ZC3H12B: variants seen among roughly 807,000 people sequenced by gnomAD.
The protein encoded by ZC3H12B is zinc finger CCCH-type containing 12B.
In ZC3H12B, 7 loss-of-function variants were observed where a neutral mutation model predicts 43.9. The observed-to-expected ratio is 0.16, with a 90% CI of 0.09 to 0.30. The LOEUF is 0.30. Among genes scored for constraint, ZC3H12B ranks in the 10% least tolerant of loss-of-function variants. The pLI is 1.00. For synonymous variants in ZC3H12B, 222 were observed against 241.7 expected, an observed-to-expected ratio of 0.92 and a Z score of 0.76; for missense variants, 475 against 670.2, an observed-to-expected ratio of 0.71 and a Z score of 3.22.
the ZC3H12B span, among the ~76,000 whole-genome samples, chrX:65,261,198 G>T: frequency 9.0e-6 from 1 of 111,553 alleles, no homozygotes; most frequent in South Asian, 3.7e-4. Flanking sequence ...AATAAAAAAT[G>T]TATAGTAACA....
chrX:65,121,198 T>C, the ZC3H12B span, among the ~76,000 whole-genome samples: 2 of 111,816 alleles, frequency 1.8e-5, no homozygotes, highest in South Asian at 3.7e-4. Flanking sequence ...TCTTTTTCCA[T>C]TGATTGGAAT....
chrX:65,126,917 G>T, the ZC3H12B span, among the ~76,000 whole-genome samples: 418 of 109,494 alleles, frequency 3.8e-3, 3 homozygotes, highest in Non-Finnish European at 6.1e-3. Flanking sequence ...TTTGTGTAAT[G>T]CTTTTATTTA....
chrX:65,161,209 G>T, the ZC3H12B span, among the ~76,000 whole-genome samples: 1 of 111,114 alleles, frequency 9.0e-6, no homozygotes, highest in Admixed American at 9.6e-5. Flanking sequence ...AATAGGTATG[G>T]TGTGATGCTG....
At chrX:65,287,148 A>G in the ZC3H12B span, among the ~76,000 whole-genome samples, 1 of 111,148 alleles carries the variant, frequency 9.0e-6, no homozygotes, top group Non-Finnish European at 1.9e-5. Context: ...CATCAATAAG[A>G]AAAAAATCAG....
the ZC3H12B span, among the ~76,000 whole-genome samples, chrX:65,212,337 T>C: frequency 6.1e-5 from 3 of 49,416 alleles, no homozygotes; most frequent in African/African-American, 8.0e-5. Context: ...TTATATAATA[T>C]ATAATATAAA....
chrX:65,053,278 C>A, the ZC3H12B span, among the ~76,000 whole-genome samples: 1 of 110,555 alleles, frequency 9.0e-6, no homozygotes, highest in Non-Finnish European at 1.9e-5. Flanking sequence ...CCGCAACAGG[C>A]CCCAGGGTGT....
chrX:65,414,258 T>C (rs2066935225), intron 3 of ZC3H12B, among the ~76,000 whole-genome samples: 1 of 106,065 alleles, frequency 9.4e-6, no homozygotes, highest in Non-Finnish European at 1.9e-5. Context: ...TCCCTCCTCT[T>C]CTATTTTTTT....
At chrX:65,230,362 C>A in the ZC3H12B span, among the ~76,000 whole-genome samples, 1 of 107,728 alleles carries the variant, frequency 9.3e-6, no homozygotes, top group African/African-American at 3.4e-5. Context: ...GGAAGGGGAA[C>A]ATCACACTCT....
At position 65,458,906 on chromosome X, in the gene ZC3H12B, C is replaced by T. The variant is rs370077124; in HGVS notation, n.408-29740C>T. ...GAGACACAAAAAACCCTTCAAAAAA[C>T]CAATGAATCCAGGAGCTGGTTTTTT... On this transcript the variant is annotated intron_variant and non_coding_transcript_variant, in intron 3 of 5. Coordinates refer to the ZC3H12B transcript ENST00000617377. Among the ~76,000 whole-genome samples the T allele has an allele frequency of 7.2e-5, 8 of 110,925 alleles. 1 individual carries two copies. In the East Asian group the frequency reaches 2.3e-3, roughly 31 times the overall value.
intron 2 of ZC3H12B, among the ~76,000 whole-genome samples, chrX:65,369,933 A>G (rs2066223087): frequency 9.0e-6 from 1 of 110,682 alleles, no homozygotes; most frequent in African/African-American, 3.3e-5. Context: ...ATAATTTAGG[A>G]GTATTTAGGT....
the ZC3H12B span, among the ~76,000 whole-genome samples, chrX:65,290,219 A>G: frequency 0.012 from 1,279 of 111,080 alleles, 52 homozygotes; most frequent in Admixed American, 0.1. Context: ...TGGTTAACAG[A>G]TATATGAAAA....
At chrX:65,339,169 G>A in the ZC3H12B span, among the ~76,000 whole-genome samples, 1 of 111,302 alleles carries the variant, frequency 9.0e-6, no homozygotes, top group Non-Finnish European at 1.9e-5. Flanking sequence ...AGCAACAATT[G>A]CCACCAAGAG....
chrX:65,423,961 T>G (rs1363761744), intron 3 of ZC3H12B, among the ~76,000 whole-genome samples: 1 of 112,130 alleles, frequency 8.9e-6, no homozygotes, highest in Non-Finnish European at 1.9e-5. Flanking sequence ...ACCTAGTTTG[T>G]TGAGTATTTT....
At chrX:65,223,641 A>G in the ZC3H12B span, among the ~76,000 whole-genome samples, 2 of 112,595 alleles carry the variant, frequency 1.8e-5, no homozygotes, top group Non-Finnish European at 1.9e-5. Flanking sequence ...AAACAATACT[A>G]TCAAAAAGTG....
At chrX:65,254,851 G>A in the ZC3H12B span, among the ~76,000 whole-genome samples, 4 of 110,892 alleles carry the variant, frequency 3.6e-5, no homozygotes, top group Admixed American at 2.9e-4. Flanking sequence ...TGAAATGACC[G>A]TTTTAGGAAA....
chrX:65,253,452 G>A, the ZC3H12B span, among the ~76,000 whole-genome samples: 2 of 112,443 alleles, frequency 1.8e-5, no homozygotes, highest in African/African-American at 6.5e-5. Flanking sequence ...ACTCCAGCTG[G>A]CGCAGAGACC....
At chrX:65,196,174 G>T in the ZC3H12B span, among the ~76,000 whole-genome samples, 1 of 102,701 alleles carries the variant, frequency 9.7e-6, no homozygotes, top group Non-Finnish European at 2.0e-5. Context: ...GCCTCAGCTG[G>T]TGCCCCATGT....
At chrX:65,068,105 C>CT in the ZC3H12B span, among the ~76,000 whole-genome samples, 22,861 of 60,652 alleles carry the variant, frequency 0.38, 5,130 homozygotes, top group African/African-American at 0.71. Context: ...CTTGATGTTA[C>CT]TTTTTTTTTT....
chrX:65,113,989 A>G, the ZC3H12B span, among the ~76,000 whole-genome samples: 12 of 21,593 alleles, frequency 5.6e-4, no homozygotes, highest in African/African-American at 6.3e-3. Flanking sequence ...ATGCTTGTAT[A>G]TATATATATA....
Sources: gnomAD v4.1 joint callset for allele counts (sites outside exome capture counted in the v4.1 genomes callset) on GRCh38, gnomAD v4.1.1 for gene constraint, MANE v1.5 for transcripts, NCBI Gene and HGNC (gene_info 2026-07-23, HGNC 2026-07-21) for gene names.